The following RAB27B variants were observed in gnomAD, a reference collection of about 807,000 sequenced individuals.
The protein encoded by RAB27B is RAB27B, member RAS oncogene family, also known as ras-related protein Rab-27B.
RAB27B carries 15 observed loss-of-function variants against 24.6 expected under a neutral mutation model. The ratio of observed to expected loss-of-function variants is 0.61; its 90% CI spans 0.41 to 0.94. RAB27B has a LOEUF of 0.94. RAB27B is among the 40% of genes least tolerant of loss of function. RAB27B has a pLI of 0.00. For synonymous variants in RAB27B, 105 were observed against 92.5 expected (o/e 1.14, Z -0.78); for missense variants, 261 against 266.8 (o/e 0.98, Z 0.15).
chr18:54,889,152 T>G, intron 5 of RAB27B, 72 bp from the exon 6 acceptor site: 1 of 1,374,160 alleles, frequency 7.3e-7, no homozygotes, highest in South Asian at 1.7e-5. Context: ...CATGTGTGAT[T>G]CACTTGTACA....
At position 54,893,126 on chromosome 18, in the gene RAB27B, T is replaced by C. The variant is rs1040916256; in HGVS notation, c.*3713T>C. On this transcript the variant is annotated 3_prime_UTR_variant, in exon 6 of 6. Coordinates refer to ENST00000262094, the MANE Select transcript of RAB27B (RefSeq NM_004163.4). ...GCAGTGGTGAGTTAATCATAGTGTA[T>C]AACCTTGTGTTCATGAAACAGGTTG... 3 of 152,034 alleles carry C rather than the reference T, an allele frequency of 2.0e-5. No homozygotes were observed. Among genetic ancestry groups the C allele is most frequent in the Non-Finnish European group, 4.4e-5 (3 of 67,920 alleles). The allele number at this position is 152,034 out of a possible 1,614,324, so 9.4% of individuals were successfully genotyped here. A position where few individuals can be genotyped will look rare whatever the true frequency, so the allele number is the denominator to read the frequency against.
chr18:54,756,884 A>G (rs761132843), intron 2 of RAB27B, among the ~76,000 whole-genome samples: 5 of 152,208 alleles, frequency 3.3e-5, no homozygotes, highest in Non-Finnish European at 7.3e-5. Context: ...ATATCTAACT[A>G]AAGTTTCATA....
intron 1 of RAB27B, among the ~76,000 whole-genome samples, chr18:54,867,442 C>CTTTTCTTTTTTTTTTTTTTTTTT (rs1555666326): frequency 1.0e-5 from 1 of 98,754 alleles, no homozygotes; most frequent in South Asian, 4.0e-4. Flanking sequence ...CTTTTCTTTT[C>CTTTTCTTTTTTTTTTTTTTTTTT]TTTTTTTTTT....
In RAB27B at chr18:54,887,998, A is replaced by G. The variant is rs777037766; in HGVS notation, c.347A>G (p.Gln116Arg). 1.1e-5 allele frequency: 18 copies of G among 1,609,922 alleles called. No individual in the cohort carries two copies. In the Admixed American group the frequency reaches 2.0e-4, roughly 18 times the overall value. The change falls in exon 5 of 6, where the codon CAA becomes CGA. Residue 116 changes from glutamine to arginine, a missense_variant. Physicochemically the swap from Gln to Arg is conservative, Grantham distance 43 (BLOSUM62 1). Transcript: ENST00000262094. ...SFLNVRNWMS[Q>R]LQANAYCENP... ...TTCCATCTGCTTTCTTTTCAAGGCC[A>G]ACTGCAAGCAAATGCTTATTGTGAA...
chr18:54,817,273 A>G lies in RAB27B; in HGVS notation c.-19-60294A>G, dbSNP rs142319642. Among the ~76,000 whole-genome samples the G allele has an allele frequency of 4.6e-5, 7 of 152,314 alleles. No individual in the cohort carries two copies. The East Asian group carries it at 9.6e-4, about 21-fold the overall frequency. ...GTTATTTTAAAGCCTTCTATTTTGA[A>G]CATATAAGATCAAAGATGAATTTAT... On this transcript the variant is annotated intron_variant, in intron 2 of 4. Coordinates refer to the RAB27B transcript ENST00000586570.
At chr18:54,797,627 T>C (rs1909466236) in intron 2 of RAB27B, among the ~76,000 whole-genome samples, 1 of 152,218 alleles carries the variant, frequency 6.6e-6, no homozygotes, top group South Asian at 2.1e-4. Flanking sequence ...AATAAACATC[T>C]ATCTGTCTTT....
intron 2 of RAB27B, among the ~76,000 whole-genome samples, chr18:54,747,830 G>T (rs1006138056): frequency 1.3e-5 from 2 of 152,140 alleles, no homozygotes; most frequent in African/African-American, 4.8e-5. Context: ...TTTCTCGGCT[G>T]GGCTTGGTGG....
At chr18:54,728,762 G>C (rs1909624880) in intron 2 of RAB27B, among the ~76,000 whole-genome samples, 1 of 150,186 alleles carries the variant, frequency 6.7e-6, no homozygotes, top group South Asian at 2.1e-4. Context: ...TGTAATCCCA[G>C]CTACTTGAGA....
rs200886208 is a variant in RAB27B at position 54,877,636 on chromosome 18, T to C, written c.51T>C (p.Asp17=). The C allele has an allele frequency of 2.5e-6, 4 of 1,594,768 alleles. No individual in the cohort carries two copies. ...DYLIKLLALG[D]SGVGKTTFLY... is the part of the protein sequence containing the mutation. ...TGATCAAACTCCTGGCCCTCGGGGATTCAGGGGTGGGGAAGACAACATTTC... is the reference window on the plus strand; with the variant it reads ...TGATCAAACTCCTGGCCCTCGGGGACTCAGGGGTGGGGAAGACAACATTTC... Residue 17 remains aspartate, a synonymous_variant, in exon 2 of 6, where the codon GAT becomes GAC. Coordinates refer to ENST00000262094, the MANE Select transcript of RAB27B (RefSeq NM_004163.4).
intron 2 of RAB27B, among the ~76,000 whole-genome samples, chr18:54,750,843 G>A (rs1434011407): frequency 6.6e-6 from 1 of 152,204 alleles, no homozygotes; most frequent in Non-Finnish European, 1.5e-5. Flanking sequence ...GGAAGAGAAT[G>A]TAACAGAAAT....
intron 1 of RAB27B, among the ~76,000 whole-genome samples, chr18:54,862,555 T>C (rs899192273): frequency 4.6e-5 from 7 of 152,228 alleles, no homozygotes; most frequent in Non-Finnish European, 1.0e-4. Context: ...GAAAAATGGT[T>C]TTCAGACCTG....
At chr18:54,722,985 G>A (rs973798859) in intron 2 of RAB27B, among the ~76,000 whole-genome samples, 4 of 152,034 alleles carry the variant, frequency 2.6e-5, no homozygotes, top group African/African-American at 9.7e-5. Context: ...TTTTTTAAAT[G>A]GAAAAGTCTG....
chr18:54,813,286 A>G (rs1298573815), intron 2 of RAB27B, among the ~76,000 whole-genome samples: 1 of 152,254 alleles, frequency 6.6e-6, no homozygotes, highest in South Asian at 2.1e-4. Flanking sequence ...TGTACTAGAC[A>G]TGCTATGAGA....
chr18:54,754,699 T>C (rs1355706297), intron 2 of RAB27B, among the ~76,000 whole-genome samples: 1 of 152,214 alleles, frequency 6.6e-6, no homozygotes, highest in Non-Finnish European at 1.5e-5. Flanking sequence ...TTTGTTGATT[T>C]AAAGAAAACT....
Position 54,847,221 on chromosome 18 carries a change from A to G in RAB27B, c.-20+18521A>G, listed in dbSNP as rs139263169. On this transcript the variant is annotated intron_variant, in intron 1 of 5. Coordinates refer to ENST00000262094, the MANE Select transcript of RAB27B (RefSeq NM_004163.4). ...GCTATTTTTGTTGCCCTATGAACACATTCCTACAGGGATCTGAAGTTTTGT... is the reference window on the plus strand; with the variant it reads ...GCTATTTTTGTTGCCCTATGAACACGTTCCTACAGGGATCTGAAGTTTTGT... 1.6e-3 allele frequency among the ~76,000 whole-genome samples: 240 copies of G among 152,288 alleles called. 1 individual carries two copies. The highest frequency in any genetic ancestry group is 5.3e-4 in the Non-Finnish European group (36 of 68,016).
At chr18:54,754,457 G>A (rs997460866) in intron 2 of RAB27B, among the ~76,000 whole-genome samples, 5 of 152,154 alleles carry the variant, frequency 3.3e-5, no homozygotes, top group African/African-American at 1.2e-4. Context: ...AGCAGAAAAC[G>A]TTCTTGGATC....
At chr18:54,834,941 C>T (rs1243962171) in intron 1 of RAB27B, among the ~76,000 whole-genome samples, 1 of 151,604 alleles carries the variant, frequency 6.6e-6, no homozygotes, top group East Asian at 1.9e-4. Flanking sequence ...TTAAATCTGA[C>T]CTGAGGGATA....
chr18:54,843,978 T>C (rs1251528780), intron 1 of RAB27B, among the ~76,000 whole-genome samples: 1 of 152,064 alleles, frequency 6.6e-6, no homozygotes, highest in Non-Finnish European at 1.5e-5. Flanking sequence ...ACCACAGAAC[T>C]AGAAGAAAAG....
At chr18:54,742,016 T>G (rs975016031) in intron 2 of RAB27B, among the ~76,000 whole-genome samples, 1 of 152,218 alleles carries the variant, frequency 6.6e-6, no homozygotes. Flanking sequence ...TGAAGGCTTG[T>G]GCTACAAATA....
Sources: allele counts gnomAD v4.1 joint callset (sites outside exome capture counted in the v4.1 genomes callset), GRCh38; gene constraint gnomAD v4.1.1; transcripts MANE v1.5; gene names NCBI Gene and HGNC (gene_info 2026-07-23, HGNC 2026-07-21).